Variants in U2SURP observed in about 807,000 individuals in gnomAD.
U2SURP encodes the protein U2 snRNP-associated SURP motif-containing protein.
In U2SURP, 9 loss-of-function variants were observed where a neutral mutation model predicts 144.9. The observed-to-expected ratio is 0.06, with a 90% confidence interval of 0.04 to 0.11. U2SURP has a LOEUF of 0.11. Among genes scored for constraint, U2SURP ranks in the 10% least tolerant of loss-of-function variants. The pLI is 1.00. For synonymous variants in U2SURP, 408 were observed against 396.8 expected, an observed-to-expected ratio of 1.03 and a Z score of -0.33; for missense variants, 724 against 1,226.7, an observed-to-expected ratio of 0.59 and a Z score of 6.12.
At chr3:143,015,246 C>T (rs1048727925) in intron 4 of U2SURP, among the ~76,000 whole-genome samples, 2 of 152,076 alleles carry the variant, frequency 1.3e-5, no homozygotes, top group African/African-American at 4.8e-5. Flanking sequence ...GTGTTTGTTT[C>T]TGTGAACTGT....
chr3:143,042,280 C>T (rs1934155219), intron 23 of U2SURP, among the ~76,000 whole-genome samples: 1 of 152,036 alleles, frequency 6.6e-6, no homozygotes, highest in African/African-American at 2.4e-5. Flanking sequence ...ATATAAAATG[C>T]ATACATTGCT....
At position 143,037,350 on chromosome 3, in the gene U2SURP, C is replaced by T. The variant is rs1340599909; in HGVS notation, c.2221+15C>T. On this transcript the variant is annotated intron_variant, in intron 21 of 27. Transcript: ENST00000473835. The stretch of plus-strand genomic sequence containing the variant: ...TGGAGTGCCTTGTAAGTTCAGATTT[C>T]AAACTGATTAAATCTAGCTAATACA... The T allele has an allele frequency of 6.2e-7, 1 of 1,607,550 alleles. No individual in the cohort carries two copies. The highest frequency in any genetic ancestry group is 1.1e-5 in the South Asian group (1 of 90,026).
chr3:143,033,990 G>A (rs758700056), intron 18 of U2SURP, among the ~76,000 whole-genome samples: 19 of 152,130 alleles, frequency 1.2e-4, no homozygotes, highest in Non-Finnish European at 2.2e-4. Context: ...AAACATAAGA[G>A]ACCAAAGACA....
At position 143,053,381 on chromosome 3, in the gene U2SURP, A is replaced by T. The variant is rs1423068486; in HGVS notation, c.2656-295A>T. ...GAGGATAATAGTAATTTTCTTAGGG[A>T]TGCTTTAAATGATTACATGAAATGG... On this transcript the variant is annotated intron_variant, in intron 25 of 27. Transcript: ENST00000473835. Among the ~76,000 whole-genome samples the T allele has an allele frequency of 5.3e-5, 8 of 152,136 alleles. No individual in the cohort carries two copies. In the South Asian group the frequency reaches 1.7e-3, roughly 32 times the overall value.
Position 143,056,412 on chromosome 3 carries a change from C to A in U2SURP, c.3052C>A (p.His1018Asn). 1.2e-6 allele frequency: 2 copies of A among 1,612,916 alleles called. No individual in the cohort carries two copies. Among genetic ancestry groups the A allele is most frequent in the Non-Finnish European group, 1.7e-6 (2 of 1,179,334 alleles). The change falls in exon 28 of 28, where the codon CAC becomes AAC. Residue 1018 changes from histidine (H) to asparagine (N), a missense_variant. Coordinates refer to ENST00000473835, the MANE Select transcript of U2SURP (RefSeq NM_001080415.2). ...GTCCAGATCCCAGTCCAGATCTCCA[C>A]ACAGGTCTCATAAAAAGTCAAAGAA... The part of the protein sequence containing the change: ...KKSRSQSRSP[H>N]RSHKKSKKNK...
At chr3:143,019,647 A>T (rs1936539015) in intron 6 of U2SURP, among the ~76,000 whole-genome samples, 1 of 152,046 alleles carries the variant, frequency 6.6e-6, no homozygotes, top group Non-Finnish European at 1.5e-5. Context: ...TGTTCCAGTA[A>T]CTCATGTCCT....
chr3:143,044,163 G>GT (rs907635167), intron 24 of U2SURP, among the ~76,000 whole-genome samples: 2 of 151,958 alleles, frequency 1.3e-5, no homozygotes, highest in African/African-American at 4.8e-5. Flanking sequence ...TTTAATGTCT[G>GT]TACCATATGA....
chr3:143,034,216 C>T (rs1448195111), intron 18 of U2SURP, among the ~76,000 whole-genome samples: 4 of 152,144 alleles, frequency 2.6e-5, no homozygotes, highest in Non-Finnish European at 5.9e-5. Context: ...CCACCCTGGC[C>T]AACGTGGTGA....
At position 143,057,895 on chromosome 3, in the gene U2SURP, A is replaced by G. The variant is rs571142086; in HGVS notation, c.*1445A>G. On this transcript the variant is annotated 3_prime_UTR_variant, in exon 28 of 28. Transcript: ENST00000473835. ...CTATATTAGCTGAGCAGTGAGATAC[A>G]CTATTTCCAAACGGTGCACACCTAC... 1.7e-4 allele frequency: 26 copies of G among 152,522 alleles called. No individual in the cohort carries two copies. Among genetic ancestry groups the G allele is most frequent in the African/African-American group, 6.3e-4 (26 of 41,550 alleles). 9.4% of individuals were successfully genotyped at this position (152,522 alleles called of 1,614,324 possible).
At position 143,028,620 on chromosome 3, in the gene U2SURP, T is replaced by C. The variant is rs1389704847; in HGVS notation, c.1584T>C (p.Pro528=). The change falls in exon 16 of 28, where the codon CCT becomes CCC. Residue 528 remains proline (P), a synonymous_variant. Transcript: ENST00000473835. ...EQETEAFVEE[P]SKKGALKEEQ... Reference sequence around the variant, plus strand: ...AAACAGAAGCTTTTGTAGAGGAACCTAGTAAAAAGGGAGCACTTAAGGAAG... The same window carrying C: ...AAACAGAAGCTTTTGTAGAGGAACCCAGTAAAAAGGGAGCACTTAAGGAAG... The C allele has an allele frequency of 6.2e-7, 1 of 1,603,754 alleles. No individual in the cohort carries two copies. Among genetic ancestry groups the C allele is most frequent in the Non-Finnish European group, 8.5e-7 (1 of 1,177,326 alleles).
chr3:143,009,902 G>A (rs976039418), intron 1 of U2SURP, among the ~76,000 whole-genome samples: 1 of 152,102 alleles, frequency 6.6e-6, no homozygotes, highest in African/African-American at 2.4e-5. Flanking sequence ...GGTCAGGTGA[G>A]ATATTTGTGA....
intron 1 of U2SURP, chr3:143,002,243 G>A: frequency 5.9e-6 from 1 of 169,382 alleles, no homozygotes; most frequent in Non-Finnish European, 1.3e-5. Flanking sequence ...CAAGGTTAAT[G>A]TACAGTCTAC....
chr3:143,034,995 AT>A lies in U2SURP; in HGVS notation c.1941+25del, dbSNP rs748443033. 9.7e-6 allele frequency: 7 copies of A among 724,938 alleles called. No individual in the cohort carries two copies. The Admixed American group carries it at 2.0e-4, about 21-fold the overall frequency. The allele number at this position is 724,938 out of a possible 1,614,324, so 44.9% of individuals were successfully genotyped here. On this transcript the variant is annotated intron_variant, in intron 19 of 27. Transcript: ENST00000473835. ...TTTAAGGTACGTTTATTGTTTTACT[AT>A]TTTTGCCCTAGTGTTTTAAATGGGT...
rs1935247955 is a variant in U2SURP at position 143,058,419 on chromosome 3, T to C, written c.*1969T>C. 1 of 151,888 alleles carries C rather than the reference T, an allele frequency of 6.6e-6. No homozygotes were observed. The highest frequency in any genetic ancestry group is 1.5e-5 in the Non-Finnish European group (1 of 67,818). The allele number at this position is 151,888 out of a possible 1,614,324, so 9.4% of individuals were successfully genotyped here. A position where few individuals can be genotyped will look rare whatever the true frequency, so the allele number is the denominator to read the frequency against. ...TTCCTACTACATTGGAGTTTAGCAGTTCTTTTTTTCTGGATCCAGATACAA... is the reference window on the plus strand; with the variant it reads ...TTCCTACTACATTGGAGTTTAGCAGCTCTTTTTTTCTGGATCCAGATACAA... On this transcript the variant is annotated 3_prime_UTR_variant, in exon 28 of 28. Coordinates refer to ENST00000473835, the MANE Select transcript of U2SURP (RefSeq NM_001080415.2).
chr3:143,004,922 A>C (rs991398140), intron 1 of U2SURP, among the ~76,000 whole-genome samples: 3 of 152,090 alleles, frequency 2.0e-5, no homozygotes, highest in East Asian at 1.9e-4. Flanking sequence ...GGAGAGAGAG[A>C]GAGCCTGTAA....
chr3:143,053,555 ATTGTACC>A (rs2108320349), intron 25 of U2SURP, 114 bp from the exon 26 acceptor site: 4 of 723,906 alleles, frequency 5.5e-6, no homozygotes, highest in Non-Finnish European at 8.4e-6. Context: ...TTTTAATAGT[ATTGTACC>A]TTAAGTAGTA....
Position 143,009,034 on chromosome 3 carries a change from C to G in U2SURP, c.46-1781C>G, listed in dbSNP as rs371485277. On this transcript the variant is annotated intron_variant, in intron 1 of 27. Transcript: ENST00000473835. ...GGATTACAGGCGTGAGCCACTGCACCTGGCCCAGGCAGTTGATTTTTTTCA... is the reference window on the plus strand; with the variant it reads ...GGATTACAGGCGTGAGCCACTGCACGTGGCCCAGGCAGTTGATTTTTTTCA... Among the ~76,000 whole-genome samples, 4 of 152,368 alleles carry G rather than the reference C, an allele frequency of 2.6e-5. No homozygotes were observed. The South Asian group carries it at 6.2e-4, about 24-fold the overall frequency.
At chr3:143,045,062 C>T (rs1163358399) in intron 24 of U2SURP, among the ~76,000 whole-genome samples, 2 of 152,152 alleles carry the variant, frequency 1.3e-5, no homozygotes, top group Non-Finnish European at 2.9e-5. Context: ...TCTTTTACTC[C>T]TCTCACCTTA....
At chr3:143,035,858 T>A (rs1933783078) in intron 19 of U2SURP, 124 bp from the exon 20 acceptor site, 1 of 1,020,256 alleles carries the variant, frequency 9.8e-7, no homozygotes, top group East Asian at 2.9e-5. Context: ...TTATTTTCTT[T>A]AAAGTTTAAA....
Sources: allele counts gnomAD v4.1 joint callset (sites outside exome capture counted in the v4.1 genomes callset), GRCh38; gene constraint gnomAD v4.1.1; transcripts MANE v1.5; gene names NCBI Gene and HGNC (gene_info 2026-07-23, HGNC 2026-07-21).